SPIDR: variants seen among roughly 807,000 people sequenced by gnomAD.
SPIDR encodes DNA repair-scaffolding protein.
SPIDR carries 93 observed loss-of-function variants against 104.6 expected under a neutral mutation model. The observed-to-expected ratio is 0.89, with a 90% CI of 0.75 to 1.06. The LOEUF (loss-of-function observed/expected upper bound fraction) is 1.06. Ranked by LOEUF, SPIDR falls within the 50% of genes least tolerant of loss-of-function variation. The pLI, the probability that SPIDR is intolerant of heterozygous loss-of-function variation, is 0.00. For synonymous variants in SPIDR, 431 were observed against 416.9 expected, an observed-to-expected ratio of 1.03 and a Z score of -0.41; for missense variants, 1,154 against 1,111.2, an observed-to-expected ratio of 1.04 and a Z score of -0.55.
At chr8:47,339,430 C>T (rs1352478633) in intron 5 of SPIDR, among the ~76,000 whole-genome samples, 2 of 152,088 alleles carry the variant, frequency 1.3e-5, no homozygotes, top group Non-Finnish European at 2.9e-5. Flanking sequence ...ATTTACCATT[C>T]TTTTTATGTA....
In SPIDR at chr8:47,396,611, A is replaced by G; in HGVS notation, c.761A>G (p.Lys254Arg). 1.2e-6 allele frequency: 2 copies of G among 1,612,930 alleles called. No individual in the cohort carries two copies. The highest frequency in any genetic ancestry group is 1.7e-6 in the Non-Finnish European group (2 of 1,179,650). ...KFPRTPENSA[K>R]KKLLRGGLAE... is the part of the protein sequence containing the mutation. The stretch of plus-strand genomic sequence containing the variant: ...CCCAGGACTCCAGAAAATTCAGCAA[A>G]GAAGAAGCTTTTAAGGTTAAATTAT... Residue 254 changes from lysine (K) to arginine (R), a missense_variant, in exon 6 of 20, where the codon AAG becomes AGG. Lys to Arg is a conservative substitution (Grantham distance 26, BLOSUM62 2). Coordinates refer to ENST00000297423, the MANE Select transcript of SPIDR (RefSeq NM_001080394.4).
At chr8:47,685,029 G>A (rs1563537396) in intron 11 of SPIDR, among the ~76,000 whole-genome samples, 1 of 152,150 alleles carries the variant, frequency 6.6e-6, no homozygotes, top group African/African-American at 2.4e-5. Context: ...GACCAGCCTG[G>A]CCAACATGGT....
At chr8:47,486,914 C>G (rs1295185153) in intron 8 of SPIDR, among the ~76,000 whole-genome samples, 1 of 152,152 alleles carries the variant, frequency 6.6e-6, no homozygotes, top group Admixed American at 6.5e-5. Context: ...TTGTAAAGAC[C>G]ATCAATGCTA....
At chr8:47,509,379 A>T (rs771186710) in intron 8 of SPIDR, among the ~76,000 whole-genome samples, 8 of 152,092 alleles carry the variant, frequency 5.3e-5, no homozygotes, top group Non-Finnish European at 8.8e-5. Context: ...GATCCCCCTA[A>T]GTCTATATTT....
At chr8:47,575,914 C>T (rs1406557737) in intron 8 of SPIDR, among the ~76,000 whole-genome samples, 1 of 149,930 alleles carries the variant, frequency 6.7e-6, no homozygotes, top group Non-Finnish European at 1.5e-5. Context: ...GAGCCGAGAT[C>T]GCGCCACTGC....
At chr8:47,608,158 C>T (rs1184101403) in intron 10 of SPIDR, among the ~76,000 whole-genome samples, 1 of 152,184 alleles carries the variant, frequency 6.6e-6, no homozygotes, top group African/African-American at 2.4e-5. Flanking sequence ...TTTGTCGCTA[C>T]AGATTTGCTT....
chr8:47,266,501 A>G (rs1344588936), intron 1 of SPIDR, among the ~76,000 whole-genome samples: 1 of 152,202 alleles, frequency 6.6e-6, no homozygotes, highest in Non-Finnish European at 1.5e-5. Flanking sequence ...GTTTGGATTA[A>G]CATTTATTAT....
chr8:47,467,444 A>G (rs2075052052), intron 8 of SPIDR, among the ~76,000 whole-genome samples: 1 of 152,188 alleles, frequency 6.6e-6, no homozygotes, highest in African/African-American at 2.4e-5. Context: ...TTTGATAAAC[A>G]TCAATGCAAA....
chr8:47,419,955 C>G (rs1554678700), intron 7 of SPIDR, among the ~76,000 whole-genome samples: 1 of 151,440 alleles, frequency 6.6e-6, no homozygotes, highest in Non-Finnish European at 1.5e-5. Context: ...ATCCTGAGTT[C>G]TAGTTTGAAC....
intron 8 of SPIDR, among the ~76,000 whole-genome samples, chr8:47,531,461 G>T (rs1434987540): frequency 6.6e-6 from 1 of 152,136 alleles, no homozygotes; most frequent in African/African-American, 2.4e-5. Context: ...AGATCACTTG[G>T]TTTGTTGCTT....
At chr8:47,385,759 A>G (rs1308752759) in intron 5 of SPIDR, among the ~76,000 whole-genome samples, 3 of 152,236 alleles carry the variant, frequency 2.0e-5, no homozygotes, top group Non-Finnish European at 4.4e-5. Context: ...TGTACATCAA[A>G]GAAAACAAAC....
chr8:47,667,735 G>A (rs1301364059), intron 10 of SPIDR: 1 of 152,062 alleles, frequency 6.6e-6, no homozygotes, highest in Admixed American at 6.5e-5. Context: ...AGGAAAATTA[G>A]GGATATCAGT....
chr8:47,547,375 T>C, intron 8 of SPIDR: 1 of 361,970 alleles, frequency 2.8e-6, no homozygotes, highest in East Asian at 6.9e-5. Context: ...AACGTTGCCA[T>C]CAATCTTAAT....
At chr8:47,512,132 G>T (rs2082425610) in intron 8 of SPIDR, 2 of 452,586 alleles carry the variant, frequency 4.4e-6, no homozygotes, top group Non-Finnish European at 8.1e-6. Flanking sequence ...GTCTTCTGTT[G>T]CTCCGCTGCC....
At chr8:47,416,839 T>G (rs1563910639) in intron 7 of SPIDR, among the ~76,000 whole-genome samples, 1 of 150,524 alleles carries the variant, frequency 6.6e-6, no homozygotes, top group African/African-American at 2.4e-5. Context: ...TGTGTTCTCA[T>G]TGTTCAGTTC....
intron 8 of SPIDR, among the ~76,000 whole-genome samples, chr8:47,499,463 T>C (rs1161718974): frequency 5.9e-5 from 9 of 152,140 alleles, no homozygotes; most frequent in Non-Finnish European, 1.2e-4. Context: ...TTTGGCTTCA[T>C]TAAAACATTT....
chr8:47,457,930 C>A (rs1554710793), intron 8 of SPIDR, among the ~76,000 whole-genome samples: 1 of 152,150 alleles, frequency 6.6e-6, no homozygotes, highest in African/African-American at 2.4e-5. Flanking sequence ...TCTGGGTTCT[C>A]TATTCTGTTC....
At chr8:47,682,554 A>G (rs757852239) in intron 11 of SPIDR, among the ~76,000 whole-genome samples, 18 of 152,208 alleles carry the variant, frequency 1.2e-4, no homozygotes, top group Non-Finnish European at 2.4e-4. Context: ...TTATTTTCTT[A>G]GTATAATTTT....
At chr8:47,410,622 A>G (rs1297000454) in intron 7 of SPIDR, among the ~76,000 whole-genome samples, 1 of 151,982 alleles carries the variant, frequency 6.6e-6, no homozygotes. Context: ...CCAGGCAAAC[A>G]TAAAGTTTGC....
Sources: allele counts gnomAD v4.1 joint callset (sites outside exome capture counted in the v4.1 genomes callset), GRCh38; gene constraint gnomAD v4.1.1; transcripts MANE v1.5; gene names NCBI Gene and HGNC (gene_info 2026-07-23, HGNC 2026-07-21).